TEAD1: variants seen among roughly 807,000 people sequenced by gnomAD.
The protein encoded by TEAD1 is TEA domain transcription factor 1.
In TEAD1, 9 loss-of-function variants were observed where a neutral mutation model predicts 54.9. That is an observed-to-expected ratio of 0.16 (90% CI 0.10 to 0.29). The LOEUF is 0.29. TEAD1 is among the 10% of genes least tolerant of loss of function. TEAD1 has a pLI of 1.00. For missense variants in TEAD1, 387 were observed against 535.9 expected, an observed-to-expected ratio of 0.72 and a Z score of 2.74; for synonymous variants, 200 against 187.8, an observed-to-expected ratio of 1.07 and a Z score of -0.53.
At chr11:12,822,930 C>T (rs1428046522) in intron 3 of TEAD1, among the ~76,000 whole-genome samples, 1 of 152,168 alleles carries the variant, frequency 6.6e-6, no homozygotes, top group Admixed American at 6.5e-5. Context: ...AATAAGTGAA[C>T]TTAAAAAGCA....
intron 10 of TEAD1, among the ~76,000 whole-genome samples, chr11:12,912,115 G>A (rs746978881): frequency 2.4e-4 from 37 of 152,136 alleles, no homozygotes; most frequent in Non-Finnish European, 5.3e-4. Flanking sequence ...GGAGGAAAAG[G>A]AGACCTCAAG....
At chr11:12,712,142 A>G (rs1355565767) in intron 2 of TEAD1, among the ~76,000 whole-genome samples, 1 of 152,182 alleles carries the variant, frequency 6.6e-6, no homozygotes, top group Non-Finnish European at 1.5e-5. Context: ...GTATTTCTTC[A>G]TGGAGTCACC....
intron 12 of TEAD1, among the ~76,000 whole-genome samples, chr11:12,931,504 TCTTTA>T (rs1188401233): frequency 6.6e-6 from 1 of 152,206 alleles, no homozygotes; most frequent in Admixed American, 6.5e-5. Context: ...CAGCAGGAAT[TCTTTA>T]CTTGGTGTTT....
At chr11:12,744,445 CAG>C (rs1354069855) in intron 2 of TEAD1, among the ~76,000 whole-genome samples, 1 of 152,140 alleles carries the variant, frequency 6.6e-6, no homozygotes, top group African/African-American at 2.4e-5. Flanking sequence ...ATCACAGACA[CAG>C]AGAAGTTTTC....
intron 2 of TEAD1, among the ~76,000 whole-genome samples, chr11:12,724,148 G>A (rs2133869683): frequency 6.6e-6 from 1 of 152,208 alleles, no homozygotes; most frequent in South Asian, 2.1e-4. Flanking sequence ...TGGCCCCTGA[G>A]GCCACACTGT....
intron 11 of TEAD1, among the ~76,000 whole-genome samples, chr11:12,929,700 A>T (rs1331757708): frequency 6.6e-6 from 1 of 152,014 alleles, no homozygotes; most frequent in Admixed American, 6.5e-5. Flanking sequence ...TCTTCCTTTC[A>T]TAAACAGGTG....
chr11:12,773,743 A>C (rs1279702215), intron 3 of TEAD1, among the ~76,000 whole-genome samples: 1 of 152,226 alleles, frequency 6.6e-6, no homozygotes, highest in Non-Finnish European at 1.5e-5. Context: ...TGGGCAAAGC[A>C]AAAGAACTTT....
intron 2 of TEAD1, among the ~76,000 whole-genome samples, chr11:12,700,294 T>A (rs1196992365): frequency 6.6e-6 from 1 of 151,886 alleles, no homozygotes; most frequent in African/African-American, 2.4e-5. Context: ...AACTTTGGAC[T>A]TTTTCTTCCA....
chr11:12,879,930 T>C (rs1947931737), intron 6 of TEAD1, 88 bp downstream of exon 6: 2 of 1,590,048 alleles, frequency 1.3e-6, no homozygotes, highest in African/African-American at 1.3e-5. Flanking sequence ...CCATTTCTTG[T>C]CATGTGGGTC....
rs113115070 is a variant in TEAD1, at chr11:12,711,690, G to T, written c.-55+36129G>T. On this transcript the variant is annotated intron_variant, in intron 2 of 12. Coordinates refer to ENST00000527636, the MANE Select transcript of TEAD1 (RefSeq NM_021961.6). The stretch of plus-strand genomic sequence containing the variant: ...TAAACAGGCCCTTTACCCTCTGGGG[G>T]TTTTTTACTGAGAATCAATAAAAGG... 4.0e-3 allele frequency among the ~76,000 whole-genome samples: 610 copies of T among 152,288 alleles called. 6 individuals carry two copies. The highest frequency in any genetic ancestry group is 0.013 in the African/African-American group (556 of 41,560).
chr11:12,767,604 A>G (rs1409166535), intron 3 of TEAD1, among the ~76,000 whole-genome samples: 4 of 152,158 alleles, frequency 2.6e-5, no homozygotes, highest in Non-Finnish European at 4.4e-5. Context: ...GGACAACTCT[A>G]TGATGAGGTT....
At chr11:12,909,294 C>G (rs1488355877) in intron 10 of TEAD1, among the ~76,000 whole-genome samples, 1 of 152,186 alleles carries the variant, frequency 6.6e-6, no homozygotes, top group Non-Finnish European at 1.5e-5. Context: ...ATCCAAAGCA[C>G]TTTGCCACAT....
intron 5 of TEAD1, 81 bp from the exon 6 acceptor site, chr11:12,879,627 T>C (rs758225766): frequency 1.3e-6 from 2 of 1,576,902 alleles, no homozygotes; most frequent in South Asian, 1.1e-5. Flanking sequence ...TTTTAGTCCA[T>C]GTGCTCGTGG....
In TEAD1 at chr11:12,835,064, T is replaced by C. The variant is rs1170480085; in HGVS notation, c.203-27186T>C. Among the ~76,000 whole-genome samples, 6 of 152,178 alleles carry C rather than the reference T, an allele frequency of 3.9e-5. No homozygotes were observed. The East Asian group carries it at 9.6e-4, about 24-fold the overall frequency. ...TCTGTGACAATATATATCACTTTCA[T>C]GGGGTTCAGAGCTTCTTGTTATAGC... On this transcript the variant is annotated intron_variant, in intron 3 of 12. Coordinates refer to ENST00000527636, the MANE Select transcript of TEAD1 (RefSeq NM_021961.6).
chr11:12,727,683 G>A (rs1054648091), intron 2 of TEAD1, among the ~76,000 whole-genome samples: 1 of 152,198 alleles, frequency 6.6e-6, no homozygotes, highest in Non-Finnish European at 1.5e-5. Context: ...GAAGGTCGAA[G>A]TGTGGGAAAT....
At chr11:12,764,099 A>G in intron 2 of TEAD1, 80 bp from the exon 3 acceptor site, 1 of 874,240 alleles carries the variant, frequency 1.1e-6, no homozygotes, top group Non-Finnish European at 1.7e-6. Context: ...CTGGTGACTG[A>G]AGAACTTGCA....
rs192895146 is a variant in TEAD1, at chr11:12,897,612, C to A, written c.700-4328C>A. The stretch of plus-strand genomic sequence containing the variant: ...TCAGAGTTTGGTTTCAAGTCACCAG[C>A]CTTGTAGAGACAGTGCCCAGTTTCC... On this transcript the variant is annotated intron_variant, in intron 9 of 12. Transcript: ENST00000527636. Among the ~76,000 whole-genome samples the A allele has an allele frequency of 3.3e-5, 5 of 152,302 alleles. No homozygotes were observed. The East Asian group carries it at 9.7e-4, about 29-fold the overall frequency.
At chr11:12,844,957 A>ATTTTTT (rs1947110635) in intron 3 of TEAD1, among the ~76,000 whole-genome samples, 2 of 75,098 alleles carry the variant, frequency 2.7e-5, no homozygotes, top group Non-Finnish European at 5.5e-5. Context: ...CGTGTATGAA[A>ATTTTTT]TCTTTTTTTT....
intron 3 of TEAD1, among the ~76,000 whole-genome samples, chr11:12,800,212 G>A (rs1946024071): frequency 6.6e-6 from 1 of 152,186 alleles, no homozygotes; most frequent in South Asian, 2.1e-4. Context: ...CACCTCCAGA[G>A]CTAGTCTCCT....
Sources: allele counts gnomAD v4.1 joint callset (sites outside exome capture counted in the v4.1 genomes callset), GRCh38; gene constraint gnomAD v4.1.1; transcripts MANE v1.5; gene names NCBI Gene and HGNC (gene_info 2026-07-23, HGNC 2026-07-21).